Variants in C10orf71 observed in about 807,000 individuals in gnomAD.
The protein encoded by C10orf71 is chromosome 10 open reading frame 71.
For missense variants in C10orf71, 1,869 were observed against 1,804.5 expected, an observed-to-expected ratio of 1.04 and a Z score of -0.65; for synonymous variants, 758 against 726.3, an observed-to-expected ratio of 1.04 and a Z score of -0.70.
chr10:49,316,073 C>T (rs1228490264), intron 1 of C10orf71, 72 bp from the exon 2 acceptor site: 1 of 152,240 alleles, frequency 6.6e-6, no homozygotes, highest in East Asian at 1.9e-4. Flanking sequence ...ATAAAAGATA[C>T]TTTTTCCAAT....
Position 49,325,145 on chromosome 10 carries a change from T to A in C10orf71, c.2600T>A (p.Val867Glu), listed in dbSNP as rs2132440092. 1.9e-6 allele frequency: 3 copies of A among 1,552,110 alleles called. No homozygotes were observed. The highest frequency in any genetic ancestry group is 2.6e-6 in the Non-Finnish European group (3 of 1,147,084). ...IKDNTLRATP[V>E]IKPIMLPLLR... Reference sequence around the variant, plus strand: ...GACAACACCCTCAGAGCTACCCCCGTAATTAAACCTATCATGCTGCCTCTC... The same window carrying A: ...GACAACACCCTCAGAGCTACCCCCGAAATTAAACCTATCATGCTGCCTCTC... Residue 867 changes from valine to glutamate, a missense_variant, in exon 3 of 3, where the codon GTA (valine) becomes GAA (glutamate). Physicochemically the swap from Val to Glu is moderately radical, Grantham distance 121. Coordinates refer to ENST00000374144, the MANE Select transcript of C10orf71 (RefSeq NM_001135196.2).
chr10:49,325,680 C>T lies in C10orf71; in HGVS notation c.3135C>T (p.Gly1045=), dbSNP rs1292741043. The change falls in exon 3 of 3, where the codon GGC becomes GGT. Residue 1045 remains glycine, a synonymous_variant. Transcript: ENST00000374144. ...FLSTPRAGPP[G]RRLVPSERAN... is the part of the protein sequence containing the mutation. ...CCACACCCAGAGCAGGGCCCCCTGG[C>T]AGAAGACTGGTCCCCAGTGAGAGGG... The T allele has an allele frequency of 1.9e-6, 3 of 1,551,916 alleles. No homozygotes were observed. In the African/African-American group the frequency reaches 4.1e-5, roughly 21 times the overall value.
intron 1 of C10orf71, among the ~76,000 whole-genome samples, chr10:49,312,583 C>T (rs1410891179): frequency 2.0e-5 from 3 of 152,224 alleles, no homozygotes; most frequent in Non-Finnish European, 4.4e-5. Flanking sequence ...GCATCAAAGC[C>T]ACTCCCCAAC....
In C10orf71 at chr10:49,326,144, A is replaced by G. The variant is rs1849237806; in HGVS notation, c.3599A>G (p.Lys1200Arg). ...KRRKTDQAQE[K>R]HGESQEGKPC... ...AGGAAGACGGATCAGGCTCAGGAGAAGCATGGCGAGTCACAGGAGGGAAAG... is the reference window on the plus strand; with the variant it reads ...AGGAAGACGGATCAGGCTCAGGAGAGGCATGGCGAGTCACAGGAGGGAAAG... The change falls in exon 3 of 3, where the codon AAG becomes AGG. Residue 1200 changes from lysine to arginine, a missense_variant. Physicochemically the swap from Lys to Arg is conservative, Grantham distance 26 (BLOSUM62 2). Transcript: ENST00000374144. 1 of 1,551,548 alleles carries G rather than the reference A, an allele frequency of 6.4e-7. No individual in the cohort carries two copies. The highest frequency in any genetic ancestry group is 1.4e-5 in the African/African-American group (1 of 73,056).
At chr10:49,312,946 G>T (rs745835286) in intron 1 of C10orf71, among the ~76,000 whole-genome samples, 56 of 152,214 alleles carry the variant, frequency 3.7e-4, no homozygotes, top group Non-Finnish European at 6.9e-4. Flanking sequence ...CCTGTCAAAA[G>T]TGTGAGTAAT....
chr10:49,300,068 ACGG>A (rs1407397642), intron 1 of C10orf71, among the ~76,000 whole-genome samples: 5 of 152,170 alleles, frequency 3.3e-5, no homozygotes, highest in Admixed American at 2.0e-4. Flanking sequence ...AACATTGAGA[ACGG>A]CAGTGGTCAA....
chr10:49,318,120 G>A (rs1849030736), intron 2 of C10orf71, among the ~76,000 whole-genome samples: 5 of 152,214 alleles, frequency 3.3e-5, no homozygotes, highest in African/African-American at 1.2e-4. Context: ...AAGAAATCAA[G>A]CAGTTTCTGG....
chr10:49,301,253 C>T (rs1848723854), intron 1 of C10orf71, among the ~76,000 whole-genome samples: 1 of 152,212 alleles, frequency 6.6e-6, no homozygotes, highest in Admixed American at 6.5e-5. Context: ...GGCTGCTGCT[C>T]CCCAACAGGG....
intron 1 of C10orf71, among the ~76,000 whole-genome samples, chr10:49,314,984 A>C (rs1285983289): frequency 6.6e-6 from 1 of 152,170 alleles, no homozygotes; most frequent in Non-Finnish European, 1.5e-5. Context: ...TCTAGTGAGG[A>C]GGGAAAGCAG....
chr10:49,324,572 T>C lies in C10orf71; in HGVS notation c.2027T>C (p.Val676Ala). ...HQLENGLSRS[V>A]SQETEPEREA... ...CTAGAGAATGGGCTCTCCAGATCTG[T>C]GTCCCAAGAGACAGAACCTGAGAGG... The change falls in exon 3 of 3, where the codon GTG becomes GCG. Residue 676 changes from valine to alanine, a missense_variant. Physicochemically the swap from Val to Ala is moderately conservative, Grantham distance 64 (BLOSUM62 0). Transcript: ENST00000374144. 1.9e-6 allele frequency: 3 copies of C among 1,613,912 alleles called. No individual in the cohort carries two copies. The highest frequency in any genetic ancestry group is 2.5e-6 in the Non-Finnish European group (3 of 1,179,852).
In C10orf71 at chr10:49,310,776, A is replaced by AGATGATGATGAT. The variant is rs10661682; in HGVS notation, c.-247-5355_-247-5344dup. ...AAGTTGGTGAGACCCTCAGGTAGCC[A>AGATGATGATGAT]GATGATGATGATGATGATGATGATG... On this transcript the variant is annotated intron_variant, in intron 1 of 2. Transcript: ENST00000374144. Among the ~76,000 whole-genome samples the AGATGATGATGAT allele has an allele frequency of 3.3e-3, 496 of 148,894 alleles. 2 individuals carry two copies. Among genetic ancestry groups the AGATGATGATGAT allele is most frequent in the African/African-American group, 0.011 (440 of 40,402 alleles).
Position 49,325,453 on chromosome 10 carries a change from G to A in C10orf71, c.2908G>A (p.Val970Met), listed in dbSNP as rs1564692664. 6.5e-7 allele frequency: 1 copy of A among 1,550,284 alleles called. No individual in the cohort carries two copies. The highest frequency in any genetic ancestry group is 2.4e-5 in the East Asian group (1 of 40,880). Residue 970 changes from valine (V) to methionine (M), a missense_variant, in exon 3 of 3, where the codon GTG becomes ATG. Physicochemically the swap from Val to Met is conservative, Grantham distance 21 (BLOSUM62 1). Coordinates refer to ENST00000374144, the MANE Select transcript of C10orf71 (RefSeq NM_001135196.2). ...GCCTCTGGTGGGAGAGGGGGACCGG[G>A]TGAAGGCACCACCAGATGCTGCACC... ...SMPLVGEGDR[V>M]KAPPDAAPGL...
chr10:49,304,125 C>T (rs1291713744), intron 1 of C10orf71, among the ~76,000 whole-genome samples: 1 of 152,222 alleles, frequency 6.6e-6, no homozygotes, highest in Non-Finnish European at 1.5e-5. Flanking sequence ...TCTAGCTTTA[C>T]TAAAGCAAAT....
In C10orf71 at chr10:49,326,641, C is replaced by A. The variant is rs146154793; in HGVS notation, c.4096C>A (p.Arg1366Ser). The A allele has an allele frequency of 2.2e-5, 34 of 1,550,136 alleles. No homozygotes were observed. In the East Asian group the frequency reaches 8.3e-4, roughly 38 times the overall value. ...SAPTFLRQGP[R>S]ASAARARTQS... is the part of the protein sequence containing the mutation. ...GCCCACCTTCCTCAGGCAGGGCCCT[C>A]GTGCCTCCGCGGCCCGCGCCAGGAC... The change falls in exon 3 of 3, where the codon CGT becomes AGT. Residue 1366 changes from arginine (R) to serine (S), a missense_variant. By Grantham distance (110) the Arg-to-Ser change is moderately radical (BLOSUM62 -1). Transcript: ENST00000374144.
rs1028265952 is a variant in C10orf71, at chr10:49,306,299, G to A, written c.-248+7066G>A. Among the ~76,000 whole-genome samples, 56 of 152,258 alleles carry A rather than the reference G, an allele frequency of 3.7e-4. 1 individual carries two copies. The highest frequency in any genetic ancestry group is 2.8e-4 in the Non-Finnish European group (19 of 68,046). On this transcript the variant is annotated intron_variant, in intron 1 of 2. Coordinates refer to ENST00000374144, the MANE Select transcript of C10orf71 (RefSeq NM_001135196.2). ...AAAATTCCTGTGTCCAGCATGGGGAGCAACCTTGGGAGTGGGCAGTCCCAG... is the reference window on the plus strand; with the variant it reads ...AAAATTCCTGTGTCCAGCATGGGGAACAACCTTGGGAGTGGGCAGTCCCAG...
Position 49,326,315 on chromosome 10 carries a change from G to C in C10orf71, c.3770G>C (p.Arg1257Pro). The change falls in exon 3 of 3, where the codon CGG (arginine) becomes CCG (proline). Residue 1257 changes from arginine (R) to proline (P), a missense_variant. Physicochemically the swap from Arg to Pro is moderately radical, Grantham distance 103. Transcript: ENST00000374144. ...VSGFSEPVGR[R>P]PGGPQSLTPL... Reference sequence around the variant, plus strand: ...GGCTTCTCGGAGCCTGTCGGGAGGCGGCCCGGGGGCCCCCAGTCCCTCACA... The same window carrying C: ...GGCTTCTCGGAGCCTGTCGGGAGGCCGCCCGGGGGCCCCCAGTCCCTCACA... The C allele has an allele frequency of 6.5e-7, 1 of 1,549,320 alleles. No individual in the cohort carries two copies. Among genetic ancestry groups the C allele is most frequent in the Non-Finnish European group, 8.7e-7 (1 of 1,146,326 alleles).
In C10orf71 at chr10:49,325,839, C is replaced by T. The variant is rs1196450801; in HGVS notation, c.3294C>T (p.Pro1098=). The change falls in exon 3 of 3, where the codon CCC becomes CCT. Residue 1098 remains proline, a synonymous_variant. Coordinates refer to ENST00000374144, the MANE Select transcript of C10orf71 (RefSeq NM_001135196.2). ...LLPEEPNQAS[P]WASSSPARVT... is the part of the protein sequence containing the mutation. Reference sequence around the variant, plus strand: ...CCGAGGAGCCTAATCAAGCCAGCCCCTGGGCCAGCTCCAGTCCTGCCAGGG... The same window carrying T: ...CCGAGGAGCCTAATCAAGCCAGCCCTTGGGCCAGCTCCAGTCCTGCCAGGG... The T allele has an allele frequency of 6.4e-7, 1 of 1,551,342 alleles. No individual in the cohort carries two copies. Among genetic ancestry groups the T allele is most frequent in the South Asian group, 1.2e-5 (1 of 84,032 alleles).
At chr10:49,300,606 G>A (rs1232527198) in intron 1 of C10orf71, among the ~76,000 whole-genome samples, 1 of 152,140 alleles carries the variant, frequency 6.6e-6, no homozygotes, top group Non-Finnish European at 1.5e-5. Flanking sequence ...TACAGGAAAT[G>A]TCCAGTTTGC....
intron 1 of C10orf71, among the ~76,000 whole-genome samples, chr10:49,307,742 G>A (rs1239804155): frequency 3.3e-5 from 5 of 152,196 alleles, no homozygotes; most frequent in Non-Finnish European, 4.4e-5. Context: ...ATTAAACATC[G>A]CTTGGCCTGC....
Sources: gnomAD v4.1 joint callset for allele counts (sites outside exome capture counted in the v4.1 genomes callset) on GRCh38, gnomAD v4.1.1 for gene constraint, MANE v1.5 for transcripts, NCBI Gene and HGNC (gene_info 2026-07-23, HGNC 2026-07-21) for gene names.